The following CACHD1 variants were observed in gnomAD, a reference collection of about 807,000 sequenced individuals.
CACHD1 encodes cache domain containing 1.
Under a neutral mutation model 138.7 loss-of-function variants are expected in CACHD1, and 71 were observed. The observed-to-expected ratio is 0.51, with a 90% CI of 0.42 to 0.62. The LOEUF is 0.62. Among genes scored for constraint, CACHD1 ranks in the 20% least tolerant of loss-of-function variants. The pLI, the probability that CACHD1 is intolerant of heterozygous loss-of-function variation, is 0.00. For synonymous variants in CACHD1, 578 were observed against 591.5 expected, an observed-to-expected ratio of 0.98 and a Z score of 0.33; for missense variants, 1,389 against 1,625.3, an observed-to-expected ratio of 0.85 and a Z score of 2.50.
chr1:64,658,973 A>C, intron 13 of CACHD1, 100 bp downstream of exon 13: 1 of 1,018,078 alleles, frequency 9.8e-7, no homozygotes, highest in Non-Finnish European at 1.4e-6. Flanking sequence ...AAGATACTGA[A>C]TGCCTGCAGA....
chr1:64,491,268 T>C (rs1646273193), intron 1 of CACHD1, among the ~76,000 whole-genome samples: 1 of 152,040 alleles, frequency 6.6e-6, no homozygotes, highest in Admixed American at 6.5e-5. Context: ...CTCTTTTTTT[T>C]TTTTTAAAGA....
chr1:64,643,410 A>G (rs1648793577), intron 8 of CACHD1, among the ~76,000 whole-genome samples: 1 of 152,226 alleles, frequency 6.6e-6, no homozygotes, highest in African/African-American at 2.4e-5. Flanking sequence ...ATGGCAAGTT[A>G]CTTAATCTCT....
At chr1:64,498,782 A>G (rs1008465563) in intron 1 of CACHD1, among the ~76,000 whole-genome samples, 13 of 152,220 alleles carry the variant, frequency 8.5e-5, no homozygotes, top group South Asian at 2.1e-4. Context: ...TCTGTCTCCT[A>G]TTCTTGAGTA....
intron 1 of CACHD1, among the ~76,000 whole-genome samples, chr1:64,491,919 C>T (rs201209897): frequency 1.3e-5 from 2 of 151,360 alleles, no homozygotes; most frequent in East Asian, 3.9e-4. Context: ...CTGCACCCAG[C>T]GGTTTTTTTT....
intron 7 of CACHD1, among the ~76,000 whole-genome samples, chr1:64,634,866 G>A (rs982689088): frequency 6.6e-6 from 1 of 151,742 alleles, no homozygotes; most frequent in African/African-American, 2.4e-5. Context: ...CATGGTGGTG[G>A]TTGCCTGTAG....
chr1:64,485,017 G>A (rs1256615780), intron 1 of CACHD1, among the ~76,000 whole-genome samples: 1 of 152,164 alleles, frequency 6.6e-6, no homozygotes, highest in East Asian at 1.9e-4. Flanking sequence ...AGATCATATG[G>A]TAATTCTGTT....
intron 3 of CACHD1, among the ~76,000 whole-genome samples, chr1:64,587,545 C>A (rs1191243974): frequency 1.3e-5 from 2 of 152,156 alleles, no homozygotes; most frequent in Non-Finnish European, 2.9e-5. Flanking sequence ...GTTAATTATT[C>A]TGCACAAGAC....
chr1:64,611,031 A>G (rs1003346388), intron 4 of CACHD1, among the ~76,000 whole-genome samples: 1 of 152,204 alleles, frequency 6.6e-6, no homozygotes, highest in Non-Finnish European at 1.5e-5. Context: ...TGGGGCTTGC[A>G]TCCTCTGAAG....
chr1:64,634,362 TTATTTATTTATGTATG>T, intron 7 of CACHD1, 102 bp downstream of exon 7: 1 of 444,078 alleles, frequency 2.3e-6, no homozygotes, highest in Non-Finnish European at 3.7e-6. Context: ...GAGATTTTAT[TTATTTATTTATGTATG>T]TATTTATTTA....
intron 26 of CACHD1, among the ~76,000 whole-genome samples, chr1:64,683,677 A>G (rs1650261307): frequency 6.6e-6 from 1 of 152,206 alleles, no homozygotes; most frequent in African/African-American, 2.4e-5. Flanking sequence ...TTTCTCCATA[A>G]TTGGATCCAT....
chr1:64,677,119 C>T lies in CACHD1; in HGVS notation c.3092+108C>T, dbSNP rs1230592782. 8.2e-6 allele frequency: 7 copies of T among 851,178 alleles called. No individual in the cohort carries two copies. In the East Asian group the frequency reaches 1.8e-4, roughly 22 times the overall value. 52.7% of individuals were successfully genotyped at this position (851,178 alleles called of 1,614,324 possible). On this transcript the variant is annotated intron_variant, in intron 22 of 26. Transcript: ENST00000651257. ...GTTTTTCAGATCTGAAACTGATTTCCATAAGCCTTTACCCACCAGATTAAA... is the reference window on the plus strand; with the variant it reads ...GTTTTTCAGATCTGAAACTGATTTCTATAAGCCTTTACCCACCAGATTAAA...
chr1:64,521,012 A>ACC (rs1448898914), intron 1 of CACHD1, among the ~76,000 whole-genome samples: 6 of 152,198 alleles, frequency 3.9e-5, no homozygotes, highest in African/African-American at 1.4e-4. Context: ...GGCTTAAAAC[A>ACC]CCACAAATTT....
chr1:64,688,827 T>C (rs1054106536), intron 26 of CACHD1, among the ~76,000 whole-genome samples: 3 of 151,740 alleles, frequency 2.0e-5, no homozygotes, highest in African/African-American at 7.2e-5. Context: ...CTTCCAGCTG[T>C]TGTACCATTG....
intron 3 of CACHD1, among the ~76,000 whole-genome samples, chr1:64,600,322 T>A (rs1647200363): frequency 6.6e-6 from 1 of 152,206 alleles, no homozygotes; most frequent in African/African-American, 2.4e-5. Context: ...TTCTCATTCC[T>A]CCAGAGCCTG....
intron 1 of CACHD1, among the ~76,000 whole-genome samples, chr1:64,500,472 T>A (rs1023447212): frequency 6.6e-6 from 1 of 152,154 alleles, no homozygotes; most frequent in African/African-American, 2.4e-5. Flanking sequence ...ATAGTATCCT[T>A]GATTGGGCAT....
chr1:64,601,757 A>T (rs1024498295), intron 3 of CACHD1, among the ~76,000 whole-genome samples: 10 of 152,202 alleles, frequency 6.6e-5, no homozygotes, highest in Non-Finnish European at 1.5e-5. Context: ...TCCTAGCTTT[A>T]TAGCTTCTCT....
chr1:64,486,197 A>T (rs1028240679), intron 1 of CACHD1, among the ~76,000 whole-genome samples: 1 of 152,054 alleles, frequency 6.6e-6, no homozygotes, highest in African/African-American at 2.4e-5. Flanking sequence ...GCTAATTTTA[A>T]ATTGGGCTGT....
chr1:64,602,720 A>G (rs952181064), intron 3 of CACHD1, 86 bp from the exon 4 acceptor site: 17 of 845,846 alleles, frequency 2.0e-5, no homozygotes, highest in Non-Finnish European at 3.3e-5. Context: ...GGGCTGACCT[A>G]TCTTGTACAC....
In CACHD1 at chr1:64,610,302, T is replaced by TC. The variant is rs980418403; in HGVS notation, c.517+7395dup. ...AAACATAATCATGCCCTTCTAAGAG[T>TC]CCCCCAAAGTCTTAACTCATTCCAG... On this transcript the variant is annotated intron_variant, in intron 4 of 26. Transcript: ENST00000651257. 6.3e-4 allele frequency among the ~76,000 whole-genome samples: 96 copies of TC among 151,738 alleles called. 1 individual carries two copies. Among genetic ancestry groups the TC allele is most frequent in the Non-Finnish European group, 9.0e-4 (61 of 67,960 alleles).
Sources: allele counts gnomAD v4.1 joint callset (sites outside exome capture counted in the v4.1 genomes callset), GRCh38; gene constraint gnomAD v4.1.1; transcripts MANE v1.5; gene names NCBI Gene and HGNC (gene_info 2026-07-23, HGNC 2026-07-21).